The following CCDC88A variants were observed in gnomAD, a reference collection of about 807,000 sequenced individuals.
The protein encoded by CCDC88A is coiled-coil and HOOK domain protein 88A.
CCDC88A carries 54 observed loss-of-function variants against 234.3 expected under a neutral mutation model. The observed-to-expected ratio is 0.23, with a 90% CI of 0.19 to 0.29. CCDC88A has a LOEUF of 0.29. CCDC88A is among the 10% of genes least tolerant of loss of function. CCDC88A has a pLI of 1.00. For missense variants in CCDC88A, 1,832 were observed against 2,123.4 expected (o/e 0.86, Z 2.70); for synonymous variants, 753 against 737.8 (o/e 1.02, Z -0.33).
Position 55,328,161 on chromosome 2 carries a change from A to G in CCDC88A, c.2997+133T>C, listed in dbSNP as rs537125877. 41 of 716,060 alleles carry G rather than the reference A, an allele frequency of 5.7e-5. No homozygotes were observed. The African/African-American group carries it at 7.3e-4, about 13-fold the overall frequency. 44.4% of individuals were successfully genotyped at this position (716,060 alleles called of 1,614,324 possible). On this transcript the variant is annotated intron_variant, in intron 17 of 32. Transcript: ENST00000436346. This position sits in a 1 kb window ranked among gnomAD's most constrained non-coding sequence, Gnocchi z 4.3. ...AGAGATCTGTTTAAGAATATTCTCAAGTTTATGAAAAAGGAAGAAATAGAC... is the reference window on the plus strand; with the variant it reads ...AGAGATCTGTTTAAGAATATTCTCAGGTTTATGAAAAAGGAAGAAATAGAC...
At chr2:55,364,666 C>G (rs1473258016) in intron 5 of CCDC88A, among the ~76,000 whole-genome samples, 1 of 152,032 alleles carries the variant, frequency 6.6e-6, no homozygotes, top group African/African-American at 2.4e-5. Context: ...CATGAGTACA[C>G]ACGTAACCAA....
chr2:55,416,791 A>G (rs1181845395), intron 2 of CCDC88A: 2 of 151,926 alleles, frequency 1.3e-5, no homozygotes, highest in Non-Finnish European at 2.9e-5. Flanking sequence ...TGACTTCAAA[A>G]TTAGCAAAAT....
intron 7 of CCDC88A, 104 bp downstream of exon 7, chr2:55,362,204 C>T: frequency 1.1e-6 from 1 of 870,794 alleles, no homozygotes; most frequent in Non-Finnish European, 1.7e-6. Context: ...ACTCCTGTAT[C>T]ACCTGTCTCT....
rs1052463268 is a variant in CCDC88A at position 55,339,389 on chromosome 2, G to T, written c.1518+75C>A. The T allele has an allele frequency of 3.3e-6, 4 of 1,211,004 alleles. No homozygotes were observed. In the Admixed American group the frequency reaches 1.2e-4, roughly 36 times the overall value. The allele number at this position is 1,211,004 out of a possible 1,614,324, so 75.0% of individuals were successfully genotyped here. A position where few individuals can be genotyped will look rare whatever the true frequency, so the allele number is the denominator to read the frequency against. ...ACATTGAGCGTGCATTTAAAAAGTGGAAAATAAATGGGCTATTTATTTACA... is the reference window on the plus strand; with the variant it reads ...ACATTGAGCGTGCATTTAAAAAGTGTAAAATAAATGGGCTATTTATTTACA... On this transcript the variant is annotated intron_variant, in intron 13 of 32. Transcript: ENST00000436346.
chr2:55,414,058 A>G (rs1007105594), intron 2 of CCDC88A, among the ~76,000 whole-genome samples: 2 of 152,176 alleles, frequency 1.3e-5, no homozygotes, highest in Non-Finnish European at 2.9e-5. Flanking sequence ...GAAAAGCCAT[A>G]ACAAGTTTAT....
intron 2 of CCDC88A, among the ~76,000 whole-genome samples, chr2:55,395,079 C>T (rs1163186423): frequency 2.0e-5 from 3 of 152,128 alleles, no homozygotes; most frequent in African/African-American, 7.2e-5. Context: ...CTCCTGACCT[C>T]AAGTGATCTG....
rs768925958 is a variant in CCDC88A, at chr2:55,334,410, T to G, written c.2411A>C (p.Lys804Thr). Reference protein sequence around the residue: ...QTLQKNLEELKISSKRLEQLE... With the variant: ...QTLQKNLEELTISSKRLEQLE... ...CTGTTCTAGTCTTTTGCTAGATATTTTTAGTTCTTCTAGGTTTTTCTGCAA... is the reference window on the plus strand; with the variant it reads ...CTGTTCTAGTCTTTTGCTAGATATTGTTAGTTCTTCTAGGTTTTTCTGCAA... Residue 804 changes from lysine to threonine, a missense_variant, in exon 15 of 33, where the codon AAA (lysine) becomes ACA (threonine). Lys to Thr is a moderately conservative substitution (Grantham distance 78). Around this residue, in one of 6 missense-constraint regions of CCDC88A, gnomAD observed 1,282 missense variants for 1,543.6 expected, o/e 0.83. Coordinates refer to ENST00000436346, the MANE Select transcript of CCDC88A (RefSeq NM_001365480.1). The surrounding 1 kb of genome is among the most constrained non-coding windows in gnomAD (Gnocchi z 6.1). 6.3e-7 allele frequency: 1 copy of G among 1,581,776 alleles called. No homozygotes were observed. The highest frequency in any genetic ancestry group is 1.2e-5 in the South Asian group (1 of 84,394).
At chr2:55,385,572 G>A (rs536200464) in intron 3 of CCDC88A, among the ~76,000 whole-genome samples, 45 of 152,156 alleles carry the variant, frequency 3.0e-4, no homozygotes, top group Non-Finnish European at 5.0e-4. Context: ...AGACAGTCTA[G>A]CCGGGCGCGG....
intron 31 of CCDC88A, chr2:55,294,356 G>C: frequency 2.0e-6 from 2 of 981,672 alleles, no homozygotes; most frequent in Non-Finnish European, 2.4e-6. Context: ...CCTAGTCACT[G>C]TGTAAATCAC....
chr2:55,387,759 G>A (rs1343477309), intron 3 of CCDC88A, among the ~76,000 whole-genome samples: 12 of 140,054 alleles, frequency 8.6e-5, no homozygotes, highest in African/African-American at 3.3e-4. Flanking sequence ...TCCAGCCTGG[G>A]TGACAGTGAG....
chr2:55,405,263 C>T (rs1679353986), intron 2 of CCDC88A: 1 of 152,140 alleles, frequency 6.6e-6, no homozygotes, highest in South Asian at 2.1e-4. Context: ...ATCTAACTTC[C>T]TCCACAGATA....
intron 7 of CCDC88A, 200 bp downstream of exon 7, chr2:55,362,108 G>C: frequency 2.4e-6 from 1 of 418,872 alleles, no homozygotes; most frequent in Non-Finnish European, 4.2e-6. Flanking sequence ...AAAAGGAGAA[G>C]AGAAAACCTA....
At position 55,328,468 on chromosome 2, in the gene CCDC88A, T is replaced by G. The variant is rs758746236; in HGVS notation, c.2856-33A>C. The G allele has an allele frequency of 7.0e-7, 1 of 1,421,628 alleles. No homozygotes were observed. Among genetic ancestry groups the G allele is most frequent in the East Asian group, 2.5e-5 (1 of 39,770 alleles). The allele number at this position is 1,421,628 out of a possible 1,614,324, so 88.1% of individuals were successfully genotyped here. A position where few individuals can be genotyped will look rare whatever the true frequency, so the allele number is the denominator to read the frequency against. The stretch of plus-strand genomic sequence containing the variant: ...AGTACAAAGTAATGTAGTTCATTAT[T>G]GGAGGTCAGAAAATTATTTTTAAAG... On this transcript the variant is annotated intron_variant, in intron 16 of 32. Coordinates refer to ENST00000436346, the MANE Select transcript of CCDC88A (RefSeq NM_001365480.1). The surrounding 1 kb of genome is among the most constrained non-coding windows in gnomAD (Gnocchi z 4.3).
rs763485993 is a variant in CCDC88A, at chr2:55,332,663, G to T, written c.2758C>A (p.Gln920Lys). 61 of 1,612,764 alleles carry T rather than the reference G, an allele frequency of 3.8e-5. No individual in the cohort carries two copies. Among genetic ancestry groups the T allele is most frequent in the Non-Finnish European group, 4.8e-5 (57 of 1,179,370 alleles). ...AATTTTTCGAGATCATTGTTCATCT[G>T]TTGGGTCTTCAACTTTTCACTCACC... is the stretch of plus-strand genomic sequence containing the variant. ...DLVSEKLKTQQMNNDLEKLTH... is the reference protein window; with the variant it reads ...DLVSEKLKTQKMNNDLEKLTH... Residue 920 changes from glutamine to lysine, a missense_variant, in exon 16 of 33, where the codon CAG becomes AAG. Physicochemically the swap from Gln to Lys is moderately conservative, Grantham distance 53 (BLOSUM62 1). Coordinates refer to ENST00000436346, the MANE Select transcript of CCDC88A (RefSeq NM_001365480.1). This position sits in a 1 kb window ranked among gnomAD's most constrained non-coding sequence, Gnocchi z 4.5.
chr2:55,401,499 C>CATATAT (rs70954117), intron 2 of CCDC88A, among the ~76,000 whole-genome samples: 1 of 54,618 alleles, frequency 1.8e-5, no homozygotes, highest in Non-Finnish European at 4.0e-5. Context: ...TGTGTGTATA[C>CATATAT]ATATATATAT....
chr2:55,391,760 C>T (rs115350980), intron 2 of CCDC88A, among the ~76,000 whole-genome samples: 301 of 152,236 alleles, frequency 2.0e-3, no homozygotes, highest in African/African-American at 6.9e-3. Flanking sequence ...AATGAATGAA[C>T]AGAGACTAAA....
chr2:55,401,339 C>A (rs1178470110), intron 2 of CCDC88A, among the ~76,000 whole-genome samples: 3 of 148,668 alleles, frequency 2.0e-5, no homozygotes, highest in Non-Finnish European at 3.0e-5. Flanking sequence ...GAGGCTAAGA[C>A]AGGAGGATCA....
At chr2:55,357,658 A>AGCATCC (rs1670770368) in intron 7 of CCDC88A, among the ~76,000 whole-genome samples, 1 of 152,200 alleles carries the variant, frequency 6.6e-6, no homozygotes. Context: ...TCATGAAATA[A>AGCATCC]GCATCCTTGC....
chr2:55,317,372 G>C lies in CCDC88A; in HGVS notation c.3603-23C>G. On this transcript the variant is annotated intron_variant, in intron 20 of 32. Coordinates refer to ENST00000436346, the MANE Select transcript of CCDC88A (RefSeq NM_001365480.1). This position sits in a 1 kb window ranked among gnomAD's most constrained non-coding sequence, Gnocchi z 4.2. Reference sequence around the variant, plus strand: ...TAACTGGGGGGAAAAAAGGCATTTGGTTTATAATATTTACAAAAAAGAAAT... The same window carrying C: ...TAACTGGGGGGAAAAAAGGCATTTGCTTTATAATATTTACAAAAAAGAAAT... 1 of 1,435,592 alleles carries C rather than the reference G, an allele frequency of 7.0e-7. No individual in the cohort carries two copies. The highest frequency in any genetic ancestry group is 9.2e-7 in the Non-Finnish European group (1 of 1,085,206). 88.9% of individuals were successfully genotyped at this position (1,435,592 alleles called of 1,614,324 possible).
Sources: gnomAD v4.1 joint callset for allele counts (sites outside exome capture counted in the v4.1 genomes callset) on GRCh38, gnomAD v4.1.1 for gene constraint, gnomAD v4.1.1 regional missense constraint, Gnocchi (gnomAD v3.1) non-coding constraint, MANE v1.5 for transcripts, NCBI Gene and HGNC (gene_info 2026-07-23, HGNC 2026-07-21) for gene names.